The following ANKRD13D variants were observed in gnomAD, a reference collection of about 807,000 sequenced individuals.
The protein encoded by ANKRD13D is ankyrin repeat domain 13D.
Under a neutral mutation model 68.8 loss-of-function variants are expected in ANKRD13D, and 24 were observed. The observed-to-expected ratio is 0.35, with a 90% CI of 0.25 to 0.49. The LOEUF (loss-of-function observed/expected upper bound fraction) is 0.49, where lower values mean the gene tolerates loss of function less well. ANKRD13D is among the 20% of genes least tolerant of loss of function. The probability of loss-of-function intolerance (pLI) is 0.99; values close to 1 mark genes in which losing one functional copy is unlikely to be tolerated. For missense variants in ANKRD13D, 735 were observed against 832.1 expected (o/e 0.88, Z 1.44); for synonymous variants, 331 against 336.1 (o/e 0.98, Z 0.16).
chr11:67,296,774 C>A (rs1405786541), intron 6 of ANKRD13D, among the ~76,000 whole-genome samples: 1 of 152,080 alleles, frequency 6.6e-6, no homozygotes, highest in African/African-American at 2.4e-5. Context: ...CAGGCATGCA[C>A]CACCAAGCCC....
At position 67,302,226 on chromosome 11, in the gene ANKRD13D, TG is replaced by T. The variant is rs758256260; in HGVS notation, c.1714del (p.Ala572ProfsTer37). ...GPPSFEEQLR[L>X]ALELSSREQE... is the part of the protein sequence containing the mutation. Reference sequence around the variant, plus strand: ...CCCAGCTTTGAAGAGCAGCTGCGCCTGGCCCTGGAGTTGTCTTCACGGGAGC... The same window carrying T: ...CCCAGCTTTGAAGAGCAGCTGCGCCTGCCCTGGAGTTGTCTTCACGGGAGC... On this transcript the variant is annotated frameshift_variant, in exon 15 of 15. Coordinates refer to ENST00000511455, the MANE Select transcript of ANKRD13D (RefSeq NM_207354.3). LOFTEE classifies it high-confidence loss of function. The T allele has an allele frequency of 6.3e-7, 1 of 1,580,070 alleles. No individual in the cohort carries two copies. Among genetic ancestry groups the T allele is most frequent in the Non-Finnish European group, 8.6e-7 (1 of 1,163,016 alleles).
At chr11:67,291,310 A>AT (rs1034785883) in intron 3 of ANKRD13D, 166 bp from the exon 4 acceptor site, 30 of 738,432 alleles carry the variant, frequency 4.1e-5, no homozygotes, top group Non-Finnish European at 6.1e-5. Flanking sequence ...GTGAGCCGAG[A>AT]TTGCACCACT....
intron 6 of ANKRD13D, among the ~76,000 whole-genome samples, chr11:67,294,053 G>T (rs376674607): frequency 6.6e-6 from 1 of 152,056 alleles, no homozygotes; most frequent in Non-Finnish European, 1.5e-5. Context: ...TAGATAAATT[G>T]GTTACTTTCT....
At chr11:67,294,016 T>C (rs1860674714) in intron 6 of ANKRD13D, among the ~76,000 whole-genome samples, 1 of 152,252 alleles carries the variant, frequency 6.6e-6, no homozygotes, top group East Asian at 1.9e-4. Flanking sequence ...AATGGTCTTG[T>C]CACCCTTGTC....
chr11:67,289,814 G>T (rs879234522), intron 1 of ANKRD13D: 1 of 1,423,340 alleles, frequency 7.0e-7, no homozygotes, highest in South Asian at 1.5e-5. Context: ...CAAGAACTCT[G>T]GTCCTGGTCC....
At position 67,289,552 on chromosome 11, in the gene ANKRD13D, T is replaced by G; in HGVS notation, c.90+2T>G. 6.6e-7 allele frequency: 1 copy of G among 1,519,116 alleles called. No individual in the cohort carries two copies. The highest frequency in any genetic ancestry group is 8.8e-7 in the Non-Finnish European group (1 of 1,142,630). The allele number at this position is 1,519,116 out of a possible 1,614,324, so 94.1% of individuals were successfully genotyped here. A position where few individuals can be genotyped will look rare whatever the true frequency, so the allele number is the denominator to read the frequency against. Reference sequence around the variant, plus strand: ...GAGGCCGCACTGCACAGCCACCAGGTGAGGCCCCGCTGGGGCACCCGGCCC... The same window carrying G: ...GAGGCCGCACTGCACAGCCACCAGGGGAGGCCCCGCTGGGGCACCCGGCCC... On this transcript the variant is annotated splice_donor_variant, in intron 1 of 14. Transcript: ENST00000511455. LOFTEE classifies it high-confidence loss of function.
At position 67,299,824 on chromosome 11, in the gene ANKRD13D, T is replaced by C. The variant is rs759607456; in HGVS notation, c.881-3T>C. On this transcript the variant is annotated splice_polypyrimidine_tract_variant and splice_region_variant and intron_variant, in intron 8 of 14. Transcript: ENST00000511455. This position sits in a 1 kb window ranked among gnomAD's most constrained non-coding sequence, Gnocchi z 6.2. ...CTTACCAGCTCCCACCCCTTCTCCGTAGCGGGGAAGACTCCATTCCAGTCC... is the reference window on the plus strand; with the variant it reads ...CTTACCAGCTCCCACCCCTTCTCCGCAGCGGGGAAGACTCCATTCCAGTCC... 6.5e-7 allele frequency: 1 copy of C among 1,533,140 alleles called. No individual in the cohort carries two copies. The highest frequency in any genetic ancestry group is 8.8e-7 in the Non-Finnish European group (1 of 1,139,952). The allele number at this position is 1,533,140 out of a possible 1,614,324, so 95.0% of individuals were successfully genotyped here.
chr11:67,295,093 C>G (rs1860710365), intron 6 of ANKRD13D, among the ~76,000 whole-genome samples: 1 of 152,058 alleles, frequency 6.6e-6, no homozygotes, highest in Non-Finnish European at 1.5e-5. Context: ...CTTAATTGCT[C>G]TGACTAGAAC....
Position 67,300,849 on chromosome 11 carries a change from G to C in ANKRD13D, c.1074-141G>C, listed in dbSNP as rs957231759. On this transcript the variant is annotated intron_variant, in intron 10 of 14. Transcript: ENST00000511455. The surrounding 1 kb of genome is among the most constrained non-coding windows in gnomAD (Gnocchi z 4.3). ...CAGGACACCAGCTCCCGGGGGAGGC[G>C]GGCAGCGGCATCTGAGCAGAGCAGG... is the stretch of plus-strand genomic sequence containing the variant. 1 of 1,061,100 alleles carries C rather than the reference G, an allele frequency of 9.4e-7. No individual in the cohort carries two copies. The highest frequency in any genetic ancestry group is 2.7e-5 in the East Asian group (1 of 37,474). 65.7% of individuals were successfully genotyped at this position (1,061,100 alleles called of 1,614,324 possible).
chr11:67,299,171 A>G lies in ANKRD13D; in HGVS notation c.798+47A>G, dbSNP rs775601317. ...GGGCTGGGGGTAGGAGATGAGGTCC[A>G]GGAACTCAGCTCCTCTCCACATCCA... On this transcript the variant is annotated intron_variant, in intron 7 of 14. Coordinates refer to ENST00000511455, the MANE Select transcript of ANKRD13D (RefSeq NM_207354.3). This position sits in a 1 kb window ranked among gnomAD's most constrained non-coding sequence, Gnocchi z 6.2. 3.8e-6 allele frequency: 6 copies of G among 1,593,028 alleles called. No individual in the cohort carries two copies. The highest frequency in any genetic ancestry group is 2.2e-5 in the East Asian group (1 of 44,778).
intron 1 of ANKRD13D, 138 bp from the exon 2 acceptor site, chr11:67,289,940 G>A: frequency 1.4e-6 from 2 of 1,438,726 alleles, no homozygotes; most frequent in South Asian, 1.5e-5. Context: ...GCCAGGACAC[G>A]CAGGCCACCC....
intron 2 of ANKRD13D, 27 bp from the exon 3 acceptor site, chr11:67,290,295 C>A: frequency 1.3e-6 from 2 of 1,547,294 alleles, no homozygotes; most frequent in South Asian, 2.4e-5. Flanking sequence ...ATCTGGAGGG[C>A]TCCCCTCAGC....
At chr11:67,289,908 C>T (rs1860461392) in intron 1 of ANKRD13D, 170 bp from the exon 2 acceptor site, 7 of 1,441,722 alleles carry the variant, frequency 4.9e-6, no homozygotes, top group Non-Finnish European at 6.4e-6. Flanking sequence ...CCTGCCTTCC[C>T]TCCTGCCCCC....
rs1298549393 is a variant in ANKRD13D, at chr11:67,291,459, GC to G, written c.352-16del. 3.1e-6 allele frequency: 5 copies of G among 1,613,260 alleles called. No individual in the cohort carries two copies. In the East Asian group the frequency reaches 1.1e-4, roughly 36 times the overall value. ...GCAGCAGGCAGGGCGCTGACAAGCAGCTCTGGTTTCTCTTAGGCCCCCGATT... is the reference window on the plus strand; with the variant it reads ...GCAGCAGGCAGGGCGCTGACAAGCAGTCTGGTTTCTCTTAGGCCCCCGATT... On this transcript the variant is annotated splice_polypyrimidine_tract_variant and intron_variant, in intron 3 of 14. Transcript: ENST00000511455.
rs1860889080 is a variant in ANKRD13D, at chr11:67,299,489, AG to A, written c.799-39del. ...ACTGGTGAGGCTGAGTGTGGGGAGC[AG>A]GCTCTGAGCCCCCAGCTCCCCGTGT... On this transcript the variant is annotated intron_variant, in intron 7 of 14. Transcript: ENST00000511455. This position sits in a 1 kb window ranked among gnomAD's most constrained non-coding sequence, Gnocchi z 6.2. 3 of 1,484,720 alleles carry A rather than the reference AG, an allele frequency of 2.0e-6. No homozygotes were observed. In the African/African-American group the frequency reaches 4.2e-5, roughly 21 times the overall value. 92.0% of individuals were successfully genotyped at this position (1,484,720 alleles called of 1,614,324 possible). A position where few individuals can be genotyped will look rare whatever the true frequency, so the allele number is the denominator to read the frequency against.
intron 6 of ANKRD13D, among the ~76,000 whole-genome samples, chr11:67,296,518 G>A (rs1484416414): frequency 6.6e-6 from 1 of 151,988 alleles, no homozygotes; most frequent in Non-Finnish European, 1.5e-5. Flanking sequence ...AAAATTTGTT[G>A]GTGTACAGCT....
At position 67,300,790 on chromosome 11, in the gene ANKRD13D, G is replaced by A; in HGVS notation, c.1074-200G>A. On this transcript the variant is annotated intron_variant, in intron 10 of 14. Transcript: ENST00000511455. The surrounding 1 kb of genome is among the most constrained non-coding windows in gnomAD (Gnocchi z 4.3). The stretch of plus-strand genomic sequence containing the variant: ...CGAAATCCTCAGGAGCCCCAGCCTG[G>A]GCCCAGGGAGGAGGGCAGCTTGGGC... The A allele has an allele frequency of 1.6e-6, 1 of 628,186 alleles. No individual in the cohort carries two copies. 38.9% of individuals were successfully genotyped at this position (628,186 alleles called of 1,614,324 possible). A position where few individuals can be genotyped will look rare whatever the true frequency, so the allele number is the denominator to read the frequency against.
At chr11:67,297,526 GTTT>G (rs34979469) in intron 6 of ANKRD13D, among the ~76,000 whole-genome samples, 2 of 134,388 alleles carry the variant, frequency 1.5e-5, no homozygotes, top group East Asian at 2.2e-4. Context: ...AAGTTTTTTG[GTTT>G]TTTTTTTTTT....
chr11:67,290,199 G>T lies in ANKRD13D; in HGVS notation c.212G>T (p.Arg71Leu), dbSNP rs1860474332. Residue 71 changes from arginine (R) to leucine (L), a missense_variant, in exon 2 of 15, where the codon CGC becomes CTC. Physicochemically the swap from Arg to Leu is moderately radical, Grantham distance 102. Transcript: ENST00000511455. Reference sequence around the variant, plus strand: ...AATGCCAACGTGGGCAAAGAGAACCGCCAGGGCTGGGCAGGTACTGCAGAG... The same window carrying T: ...AATGCCAACGTGGGCAAAGAGAACCTCCAGGGCTGGGCAGGTACTGCAGAG... ...RHNANVGKEN[R>L]QGWAVLQEAV... 2.6e-6 allele frequency: 4 copies of T among 1,538,576 alleles called. No individual in the cohort carries two copies. The East Asian group carries it at 7.3e-5, about 28-fold the overall frequency.
Sources: gnomAD v4.1 joint callset for allele counts (sites outside exome capture counted in the v4.1 genomes callset) on GRCh38, gnomAD v4.1.1 for gene constraint, Gnocchi (gnomAD v3.1) non-coding constraint, MANE v1.5 for transcripts, NCBI Gene and HGNC (gene_info 2026-07-23, HGNC 2026-07-21) for gene names.